The following ARHGEF10 variants were observed in gnomAD, a reference collection of about 807,000 sequenced individuals.
ARHGEF10 encodes Rho guanine nucleotide exchange factor 10.
In ARHGEF10, 140 loss-of-function variants were observed where a neutral mutation model predicts 147.4. That is an observed-to-expected ratio of 0.95 (90% CI 0.83 to 1.09). The LOEUF (loss-of-function observed/expected upper bound fraction) is 1.09. Ranked by LOEUF, ARHGEF10 falls within the 50% of genes least tolerant of loss-of-function variation. The probability of loss-of-function intolerance (pLI) is 0.00; values close to 1 mark genes in which losing one functional copy is unlikely to be tolerated. For missense variants in ARHGEF10, 2,222 were observed against 1,752.7 expected, an observed-to-expected ratio of 1.27 and a Z score of -4.78; for synonymous variants, 902 against 695.8, an observed-to-expected ratio of 1.30 and a Z score of -4.67.
chr8:1,944,612 G>C (rs1001146508), intron 26 of ARHGEF10, among the ~76,000 whole-genome samples: 9 of 152,210 alleles, frequency 5.9e-5, no homozygotes, highest in Non-Finnish European at 1.3e-4. Context: ...ATGTCAGTCT[G>C]GTTATTTCCT....
At chr8:1,843,035 G>A (rs978286615) in intron 1 of ARHGEF10, among the ~76,000 whole-genome samples, 11 of 152,218 alleles carry the variant, frequency 7.2e-5, no homozygotes, top group African/African-American at 2.7e-4. Context: ...AATACAGTGG[G>A]AAATTCAGCA....
At chr8:1,856,984 C>T (rs1805600242) in intron 2 of ARHGEF10, among the ~76,000 whole-genome samples, 1 of 152,166 alleles carries the variant, frequency 6.6e-6, no homozygotes, top group African/African-American at 2.4e-5. Context: ...GCACACAGTC[C>T]TAGCACGCCG....
chr8:1,838,911 G>A (rs1451779603), intron 1 of ARHGEF10, among the ~76,000 whole-genome samples: 2 of 151,758 alleles, frequency 1.3e-5, no homozygotes, highest in African/African-American at 2.4e-5. Flanking sequence ...TTGATGTGGG[G>A]ACCATCCAGT....
At chr8:1,876,432 G>A (rs1807709275) in intron 7 of ARHGEF10, 139 bp from the exon 8 acceptor site, 5 of 912,860 alleles carry the variant, frequency 5.5e-6, no homozygotes. Context: ...GCAAGCCCGG[G>A]GCTCCGCAGG....
At chr8:1,839,145 A>G (rs75252821) in intron 1 of ARHGEF10, among the ~76,000 whole-genome samples, 2,661 of 53,264 alleles carry the variant, frequency 0.05, 16 homozygotes, top group Non-Finnish European at 0.055. Context: ...ACTGTCTGGT[A>G]TGGGGACTGT....
chr8:1,921,086 G>A (rs186981266), intron 18 of ARHGEF10, among the ~76,000 whole-genome samples: 95 of 152,176 alleles, frequency 6.2e-4, no homozygotes, highest in African/African-American at 1.7e-3. Flanking sequence ...ATGCCTGGCC[G>A]CTCCCTTTGT....
At chr8:1,931,923 G>A (rs954296188) in intron 25 of ARHGEF10, among the ~76,000 whole-genome samples, 1 of 152,192 alleles carries the variant, frequency 6.6e-6, no homozygotes, top group Non-Finnish European at 1.5e-5. Context: ...TCAGTTGTTG[G>A]AAGTTAAACC....
At chr8:1,835,743 A>G (rs907205182) in intron 1 of ARHGEF10, among the ~76,000 whole-genome samples, 5 of 152,180 alleles carry the variant, frequency 3.3e-5, no homozygotes, top group African/African-American at 1.2e-4. Flanking sequence ...CACGCTGAAC[A>G]GCGTCAGGGA....
At chr8:1,844,381 A>C (rs368673759) in intron 2 of ARHGEF10, among the ~76,000 whole-genome samples, 248 of 23,462 alleles carry the variant, frequency 0.011, no homozygotes, top group Non-Finnish European at 0.017. Context: ...TCCAGGGGTC[A>C]CCGGGGCCTG....
rs1448695545 is a variant in ARHGEF10 at position 1,954,021 on chromosome 8, G to GT, written c.3520+1199dup. 3.9e-5 allele frequency among the ~76,000 whole-genome samples: 6 copies of GT among 152,176 alleles called. No homozygotes were observed. In the East Asian group the frequency reaches 1.2e-3, roughly 29 times the overall value. On this transcript the variant is annotated intron_variant, in intron 28 of 28. Coordinates refer to ENST00000349830, the MANE Select transcript of ARHGEF10 (RefSeq NM_014629.4). ...TTTTGCCATTCATTTCCTAATTTAT[G>GT]TTTTTATTATGATATATGGGATTGT...
In ARHGEF10 at chr8:1,853,489, GC is replaced by G. The variant is rs559953676; in HGVS notation, c.38-4470del. On this transcript the variant is annotated intron_variant, in intron 2 of 28. Coordinates refer to ENST00000349830, the MANE Select transcript of ARHGEF10 (RefSeq NM_014629.4). ...AGCCCTTGAGCATCTTTTCTAGTTTGCAAATTGTAGTTTTTCTCATCAGTGT... is the reference window on the plus strand; with the variant it reads ...AGCCCTTGAGCATCTTTTCTAGTTTGAAATTGTAGTTTTTCTCATCAGTGT... 2.1e-3 allele frequency among the ~76,000 whole-genome samples: 317 copies of G among 152,358 alleles called. 2 individuals are homozygous for G. Among genetic ancestry groups the G allele is most frequent in the African/African-American group, 7.4e-3 (307 of 41,584 alleles).
intron 11 of ARHGEF10, among the ~76,000 whole-genome samples, chr8:1,886,915 T>C (rs1266514697): frequency 6.6e-6 from 1 of 152,162 alleles, no homozygotes; most frequent in African/African-American, 2.4e-5. Flanking sequence ...CTGCCACACG[T>C]CCAGGGGGGT....
At position 1,956,604 on chromosome 8, in the gene ARHGEF10, T is replaced by C. The variant is rs935805562; in HGVS notation, c.3521-145T>C. Reference sequence around the variant, plus strand: ...ATAATCCAGATATTTTCATCGTAGCTTATTATTCATGTATGCAAGTTACTT... The same window carrying C: ...ATAATCCAGATATTTTCATCGTAGCCTATTATTCATGTATGCAAGTTACTT... On this transcript the variant is annotated intron_variant, in intron 28 of 28. Transcript: ENST00000349830. The C allele has an allele frequency of 7.8e-6, 6 of 771,170 alleles. No homozygotes were observed. The African/African-American group carries it at 1.0e-4, about 13-fold the overall frequency. 47.8% of individuals were successfully genotyped at this position (771,170 alleles called of 1,614,324 possible).
chr8:1,832,401 G>GAC (rs1803184441), intron 1 of ARHGEF10, among the ~76,000 whole-genome samples: 2 of 146,442 alleles, frequency 1.4e-5, no homozygotes, highest in East Asian at 2.0e-4. Context: ...GAGACAGAGA[G>GAC]AGGCAGAGGC....
intron 27 of ARHGEF10, among the ~76,000 whole-genome samples, chr8:1,951,501 AG>A (rs1368465998): frequency 2.0e-5 from 3 of 152,138 alleles, no homozygotes; most frequent in African/African-American, 7.2e-5. Flanking sequence ...TTCTGTAGTG[AG>A]GGTTTTTTGT....
intron 3 of ARHGEF10, 99 bp downstream of exon 3, chr8:1,858,214 GA>G (rs775208226): frequency 2.2e-4 from 247 of 1,128,650 alleles, no homozygotes; most frequent in East Asian, 2.1e-3. Context: ...GTTCCCAGGT[GA>G]GTCCCCAGGT....
chr8:1,952,633 A>G, intron 27 of ARHGEF10, 72 bp from the exon 28 acceptor site: 6 of 1,593,242 alleles, frequency 3.8e-6, no homozygotes, highest in South Asian at 3.3e-5. Context: ...TGGGGTTTCC[A>G]GCACCCCGTC....
chr8:1,954,182 C>T (rs1219830519), intron 28 of ARHGEF10, among the ~76,000 whole-genome samples: 1 of 152,272 alleles, frequency 6.6e-6, no homozygotes, highest in East Asian at 1.9e-4. Flanking sequence ...CACCCTCTGC[C>T]TGCCAGGTTC....
At chr8:1,954,823 C>T (rs1346359035) in intron 28 of ARHGEF10, among the ~76,000 whole-genome samples, 3 of 152,264 alleles carry the variant, frequency 2.0e-5, no homozygotes, top group African/African-American at 7.2e-5. Flanking sequence ...GTGCAAGCAG[C>T]CTCTGTTGCT....
Sources: gnomAD v4.1 joint callset for allele counts (sites outside exome capture counted in the v4.1 genomes callset) on GRCh38, gnomAD v4.1.1 for gene constraint, MANE v1.5 for transcripts, NCBI Gene and HGNC (gene_info 2026-07-23, HGNC 2026-07-21) for gene names.